The following ASCC3 variants were observed in gnomAD, a reference collection of about 807,000 sequenced individuals.
ASCC3 encodes activating signal cointegrator 1 complex subunit 3.
A neutral mutation model predicts 256.3 loss-of-function variants in ASCC3; 158 were observed. The ratio of observed to expected loss-of-function variants is 0.62; its 90% CI spans 0.54 to 0.70. The LOEUF (loss-of-function observed/expected upper bound fraction) is 0.70, where lower values mean the gene tolerates loss of function less well. ASCC3 is among the 30% of genes least tolerant of loss of function. ASCC3 has a pLI of 0.00. For missense variants in ASCC3, 2,259 were observed against 2,626.0 expected, an observed-to-expected ratio of 0.86 and a Z score of 3.05; for synonymous variants, 948 against 883.4, an observed-to-expected ratio of 1.07 and a Z score of -1.30.
intron 11 of ASCC3, among the ~76,000 whole-genome samples, chr6:100,719,857 AG>A (rs1487589715): frequency 6.6e-6 from 1 of 152,010 alleles, no homozygotes; most frequent in Non-Finnish European, 1.5e-5. Context: ...TACTAAAAGT[AG>A]GTTAATTATT....
At chr6:100,833,619 T>A (rs1280056162) in intron 4 of ASCC3, among the ~76,000 whole-genome samples, 1 of 152,164 alleles carries the variant, frequency 6.6e-6, no homozygotes, top group East Asian at 1.9e-4. Flanking sequence ...CTCCAAAAAT[T>A]AGTTTATTAA....
chr6:100,822,602 T>C (rs190032856), intron 4 of ASCC3, among the ~76,000 whole-genome samples: 213 of 152,002 alleles, frequency 1.4e-3, no homozygotes, highest in African/African-American at 4.8e-3. Flanking sequence ...GTGTCTTGAA[T>C]TGCTGTGAGT....
At chr6:100,849,538 T>C (rs537272970) in intron 3 of ASCC3, among the ~76,000 whole-genome samples, 6 of 152,206 alleles carry the variant, frequency 3.9e-5, no homozygotes, top group Non-Finnish European at 7.4e-5. Context: ...AAGCTGAAGA[T>C]AAAGTTAGTC....
At chr6:100,730,158 CTG>C (rs1779834488) in intron 10 of ASCC3, among the ~76,000 whole-genome samples, 1 of 151,652 alleles carries the variant, frequency 6.6e-6, no homozygotes, top group South Asian at 2.1e-4. Flanking sequence ...AAAAAATTAA[CTG>C]GATGTGGTTG....
chr6:100,545,344 A>T (rs1775666749), intron 36 of ASCC3, among the ~76,000 whole-genome samples: 2 of 152,038 alleles, frequency 1.3e-5, no homozygotes. Context: ...CACCTGGCTA[A>T]TTTTTTCATT....
intron 36 of ASCC3, among the ~76,000 whole-genome samples, chr6:100,583,500 A>C (rs1049360172): frequency 2.6e-5 from 4 of 152,062 alleles, no homozygotes; most frequent in Non-Finnish European, 5.9e-5. Context: ...TAGTCTTGCT[A>C]GTGGTCTGTC....
rs369974362 is a variant in ASCC3 at position 100,597,809 on chromosome 6, G to GAAAAAAAAAAAAA, written c.5303+3988_5303+4000dup. ...TACACAGTGAAACCCCGTCTCTACT[G>GAAAAAAAAAAAAA]AAAAAAAAAAAAAAATTAGCCGAGC... On this transcript the variant is annotated intron_variant, in intron 34 of 41. Coordinates refer to ENST00000369162, the MANE Select transcript of ASCC3 (RefSeq NM_006828.4). Among the ~76,000 whole-genome samples, 113 of 88,546 alleles carry GAAAAAAAAAAAAA rather than the reference G, an allele frequency of 1.3e-3. 10 individuals are homozygous for GAAAAAAAAAAAAA. The highest frequency in any genetic ancestry group is 5.3e-3 in the Middle Eastern group (1 of 188). The allele number at this position is 88,546 out of a possible 152,430, so 58.1% of individuals were successfully genotyped here.
intron 34 of ASCC3, 96 bp from the exon 35 acceptor site, chr6:100,590,155 T>C: frequency 2.4e-6 from 2 of 849,266 alleles, no homozygotes; most frequent in South Asian, 1.5e-5. Flanking sequence ...TATAATCCCC[T>C]TTTATTATAA....
At chr6:100,650,439 T>C in intron 20 of ASCC3, 99 bp downstream of exon 20, 2 of 1,193,416 alleles carry the variant, frequency 1.7e-6, no homozygotes, top group Non-Finnish European at 2.5e-6. Flanking sequence ...TTTGGTAGCA[T>C]GTCACAAAGC....
At chr6:100,755,230 T>C (rs1781122681) in intron 10 of ASCC3, among the ~76,000 whole-genome samples, 1 of 152,178 alleles carries the variant, frequency 6.6e-6, no homozygotes, top group Non-Finnish European at 1.5e-5. Flanking sequence ...GTTCTATTAA[T>C]AATTGTTCTA....
At chr6:100,730,957 AT>A (rs1278762929) in intron 10 of ASCC3, among the ~76,000 whole-genome samples, 1 of 152,240 alleles carries the variant, frequency 6.6e-6, no homozygotes, top group Non-Finnish European at 1.5e-5. Flanking sequence ...ATAAAAATGT[AT>A]TCAAGTACAA....
At chr6:100,606,096 C>T (rs1772872059) in intron 32 of ASCC3, among the ~76,000 whole-genome samples, 1 of 151,518 alleles carries the variant, frequency 6.6e-6, no homozygotes, top group African/African-American at 2.4e-5. Context: ...ATTATTTTCC[C>T]CGTGAATAAT....
At chr6:100,548,883 T>TAC (rs1219856048) in intron 36 of ASCC3, among the ~76,000 whole-genome samples, 1 of 152,000 alleles carries the variant, frequency 6.6e-6, no homozygotes, top group African/African-American at 2.4e-5. Context: ...GCCTTATATA[T>TAC]ACTATGTTTT....
intron 10 of ASCC3, among the ~76,000 whole-genome samples, chr6:100,735,334 G>C (rs1407018875): frequency 6.6e-6 from 1 of 152,154 alleles, no homozygotes; most frequent in Admixed American, 6.5e-5. Context: ...GAGAGCTGAA[G>C]TTACACTGTA....
chr6:100,688,074 C>T (rs1403541901), intron 13 of ASCC3, among the ~76,000 whole-genome samples: 1 of 150,066 alleles, frequency 6.7e-6, no homozygotes, highest in East Asian at 1.9e-4. Context: ...GTATTTTAAA[C>T]TTAACAGAGA....
intron 10 of ASCC3, among the ~76,000 whole-genome samples, chr6:100,739,283 A>T (rs923237175): frequency 6.6e-6 from 1 of 152,216 alleles, no homozygotes; most frequent in African/African-American, 2.4e-5. Flanking sequence ...GCATCCTGAT[A>T]TGAAGCCAGC....
chr6:100,628,366 T>A (rs146375620), intron 27 of ASCC3, among the ~76,000 whole-genome samples: 1 of 152,160 alleles, frequency 6.6e-6, no homozygotes, highest in Non-Finnish European at 1.5e-5. Flanking sequence ...TTAATAAAAA[T>A]ATATCATATA....
intron 36 of ASCC3, among the ~76,000 whole-genome samples, chr6:100,541,560 ACCTG>A (rs909453343): frequency 2.0e-5 from 3 of 152,142 alleles, no homozygotes; most frequent in African/African-American, 7.2e-5. Flanking sequence ...ATTACTCTAG[ACCTG>A]CCCAGCAAAT....
intron 8 of ASCC3, among the ~76,000 whole-genome samples, chr6:100,780,408 G>A (rs990475711): frequency 2.6e-5 from 4 of 152,046 alleles, no homozygotes; most frequent in Admixed American, 6.6e-5. Flanking sequence ...TAATGTGGTC[G>A]AAAAGACCCT....
Sources: allele counts gnomAD v4.1 joint callset (sites outside exome capture counted in the v4.1 genomes callset), GRCh38; gene constraint gnomAD v4.1.1; transcripts MANE v1.5; gene names NCBI Gene and HGNC (gene_info 2026-07-23, HGNC 2026-07-21).